The following MPP7 variants were observed in gnomAD, a reference collection of about 807,000 sequenced individuals.
The protein encoded by MPP7 is MAGUK p55 scaffold protein 7.
Under a neutral mutation model 76.5 loss-of-function variants are expected in MPP7, and 60 were observed. That is an observed-to-expected ratio of 0.78 (90% CI 0.64 to 0.97). The LOEUF (loss-of-function observed/expected upper bound fraction) is 0.97, where lower values mean the gene tolerates loss of function less well. Among genes scored for constraint, MPP7 ranks in the 50% least tolerant of loss-of-function variants. The probability of loss-of-function intolerance (pLI) is 0.00; values close to 1 mark genes in which losing one functional copy is unlikely to be tolerated. For missense variants in MPP7, 641 were observed against 694.0 expected, an observed-to-expected ratio of 0.92 and a Z score of 0.86; for synonymous variants, 237 against 244.5, an observed-to-expected ratio of 0.97 and a Z score of 0.29.
At chr10:28,170,924 T>C (rs11006908) in intron 3 of MPP7, among the ~76,000 whole-genome samples, 76,713 of 152,016 alleles carry the variant, frequency 0.5, 21,629 homozygotes, top group Middle Eastern at 0.74. Flanking sequence ...CATGACGAGA[T>C]AACAGTGATA....
intron 11 of MPP7, among the ~76,000 whole-genome samples, chr10:28,103,168 GC>G (rs1422594133): frequency 3.4e-4 from 50 of 148,486 alleles, no homozygotes; most frequent in African/African-American, 9.8e-4. Context: ...CTGTCTCGGG[GC>G]CTTTGCACAC....
chr10:28,248,613 TA>T (rs1839514461), intron 1 of MPP7, among the ~76,000 whole-genome samples: 1 of 152,226 alleles, frequency 6.6e-6, no homozygotes, highest in South Asian at 2.1e-4. Context: ...GTCTGTCTTT[TA>T]CTAGAATACA....
intron 2 of MPP7, among the ~76,000 whole-genome samples, chr10:28,329,729 G>C (rs780944678): frequency 6.6e-6 from 1 of 151,526 alleles, no homozygotes; most frequent in Non-Finnish European, 1.5e-5. Flanking sequence ...AAATTGAGTC[G>C]CATTTGTAGT....
chr10:28,309,003 A>T (rs1020653594), intron 2 of MPP7, among the ~76,000 whole-genome samples: 1 of 152,162 alleles, frequency 6.6e-6, no homozygotes, highest in African/African-American at 2.4e-5. Context: ...TCTTGCCTGG[A>T]TGATTCAAGC....
intron 1 of MPP7, among the ~76,000 whole-genome samples, chr10:28,332,989 T>C (rs1173163058): frequency 2.6e-5 from 4 of 151,920 alleles, no homozygotes; most frequent in Non-Finnish European, 5.9e-5. Context: ...GAGGAAACCA[T>C]GTCAAGTGTC....
intron 8 of MPP7, 109 bp from the exon 9 acceptor site, chr10:28,120,777 TACTCTTAGATA>T: frequency 1.3e-6 from 1 of 741,422 alleles, no homozygotes; most frequent in Non-Finnish European, 2.2e-6. Context: ...TTGGGGCTTC[TACTCTTAGATA>T]GACTAAACGG....
chr10:28,196,479 C>T (rs1239652092), intron 3 of MPP7, among the ~76,000 whole-genome samples: 2 of 13,586 alleles, frequency 1.5e-4, no homozygotes, highest in South Asian at 4.8e-3. Context: ...GACTCCATCT[C>T]GAAAAAAAAA....
chr10:28,142,249 A>G (rs1835545799), intron 5 of MPP7, among the ~76,000 whole-genome samples: 1 of 152,216 alleles, frequency 6.6e-6, no homozygotes, highest in African/African-American at 2.4e-5. Flanking sequence ...ATAACTAAGG[A>G]GAAATCTATA....
chr10:28,291,163 T>C (rs1840909522), intron 1 of MPP7, among the ~76,000 whole-genome samples: 1 of 152,224 alleles, frequency 6.6e-6, no homozygotes, highest in Non-Finnish European at 1.5e-5. Context: ...TAACATGTAC[T>C]AGCAAATGCC....
At chr10:28,210,168 C>T (rs1838083856) in intron 2 of MPP7, among the ~76,000 whole-genome samples, 1 of 152,172 alleles carries the variant, frequency 6.6e-6, no homozygotes, top group Admixed American at 6.5e-5. Context: ...TTTCCTGGTT[C>T]TCCACGTTGC....
At chr10:28,335,168 C>T (rs1371371681), upstream of MPP7, among the ~76,000 whole-genome samples, 2 of 152,232 alleles carry the variant, frequency 1.3e-5, no homozygotes, top group Non-Finnish European at 2.9e-5. Flanking sequence ...CTTGACATGA[C>T]ACCTGCTTTC....
intron 1 of MPP7, among the ~76,000 whole-genome samples, chr10:28,263,905 A>G (rs1840065446): frequency 6.6e-6 from 1 of 152,208 alleles, no homozygotes; most frequent in African/African-American, 2.4e-5. Flanking sequence ...CAGGTAGGGA[A>G]AGCGTTCTAG....
At chr10:28,219,139 A>C (rs7071331) in intron 2 of MPP7, among the ~76,000 whole-genome samples, 26,383 of 152,212 alleles carry the variant, frequency 0.17, 2,602 homozygotes, top group African/African-American at 0.26. Context: ...TTTCTCACAG[A>C]ATTTGAACAA....
intron 12 of MPP7, among the ~76,000 whole-genome samples, chr10:28,082,559 CA>C (rs1482737442): frequency 1.4e-4 from 21 of 152,218 alleles, no homozygotes; most frequent in African/African-American, 5.1e-4. Flanking sequence ...CTGACTCATG[CA>C]ATCCTCTCAT....
At chr10:28,264,063 G>A (rs1470132951) in intron 1 of MPP7, among the ~76,000 whole-genome samples, 15 of 152,146 alleles carry the variant, frequency 9.9e-5, no homozygotes, top group East Asian at 1.9e-4. Context: ...TTGGGAGGCC[G>A]AGGCAGGATG....
intron 11 of MPP7, among the ~76,000 whole-genome samples, chr10:28,105,132 G>A (rs11006870): frequency 0.12 from 13,589 of 116,200 alleles, 1,297 homozygotes; most frequent in East Asian, 0.51. Context: ...CTAGCCTGGC[G>A]ACAGAGTGAG....
chr10:28,149,251 C>T (rs145840446), intron 4 of MPP7, among the ~76,000 whole-genome samples: 1,930 of 152,250 alleles, frequency 0.013, 15 homozygotes, highest in Non-Finnish European at 0.02. Flanking sequence ...AAATAAGCTA[C>T]GGGTTATCAC....
chr10:28,119,537 C>T (rs960267981), intron 11 of MPP7, 114 bp downstream of exon 11: 2 of 754,646 alleles, frequency 2.7e-6, no homozygotes, highest in African/African-American at 3.5e-5. Context: ...AACTGATGAT[C>T]CCAAAGTTAT....
At chr10:28,260,447 C>A (rs1454189075) in intron 1 of MPP7, among the ~76,000 whole-genome samples, 3 of 152,050 alleles carry the variant, frequency 2.0e-5, no homozygotes, top group African/African-American at 4.8e-5. Flanking sequence ...TATGAAAATA[C>A]CAGAGACTAT....
Sources: allele counts gnomAD v4.1 joint callset (sites outside exome capture counted in the v4.1 genomes callset), GRCh38; gene constraint gnomAD v4.1.1; transcripts MANE v1.5; gene names NCBI Gene and HGNC (gene_info 2026-07-23, HGNC 2026-07-21).